Variants in P3H1 observed in about 807,000 individuals in gnomAD.
P3H1 encodes growth suppressor 1.
Under a neutral mutation model 84.0 loss-of-function variants are expected in P3H1, and 69 were observed. The observed-to-expected ratio is 0.82, with a 90% CI of 0.68 to 1.00. The LOEUF is 1.00. P3H1 is among the 50% of genes least tolerant of loss of function. The pLI is 0.00. For missense variants in P3H1, 878 were observed against 962.8 expected (o/e 0.91, Z 1.17); for synonymous variants, 366 against 388.8 (o/e 0.94, Z 0.69).
At chr1:42,758,451 T>A (rs2124138094) in intron 4 of P3H1, among the ~76,000 whole-genome samples, 1 of 152,344 alleles carries the variant, frequency 6.6e-6, no homozygotes, top group East Asian at 1.9e-4. Context: ...GTAGGGACTC[T>A]GCAAAGAGTT....
At chr1:42,766,370 C>T in intron 1 of P3H1, 137 bp downstream of exon 1, 1 of 777,314 alleles carries the variant, frequency 1.3e-6, no homozygotes, top group Non-Finnish European at 2.2e-6. Flanking sequence ...TCCCCGGCTC[C>T]GAGGAGAGCT....
rs3738499 is a variant in P3H1, at chr1:42,747,828, C to T, written c.1839-30G>A. 0.59 allele frequency: 943,027 copies of T among 1,603,846 alleles called. 280,391 individuals are homozygous for T. Among genetic ancestry groups the T allele is most frequent in the South Asian group, 0.69 (63,169 of 90,908 alleles). On this transcript the variant is annotated intron_variant, in intron 12 of 14. Transcript: ENST00000296388. ...GAAAGGCAGAGACATCTCATCATGG[C>T]CCTTCCCTGCCTCCCTTTCCCCTGA...
chr1:42,762,155 C>T (rs979523727), intron 2 of P3H1, 168 bp downstream of exon 2: 5 of 660,138 alleles, frequency 7.6e-6, no homozygotes, highest in Admixed American at 5.1e-5. Flanking sequence ...CCTGTAGTCC[C>T]AACTACTCAG....
chr1:42,759,278 G>A lies in P3H1; in HGVS notation c.731C>T (p.Ala244Val). ...GTAGTCATAGGGCCCTTCGCAGAGG[G>A]CACGGCACTCCTCATAGGCCACAAA... The part of the protein sequence containing the change: ...EYFVAYEECR[A>V]LCEGPYDYDG... Residue 244 changes from alanine (A) to valine (V), a missense_variant, in exon 3 of 15, where the codon GCC (alanine) becomes GTC (valine). Coordinates refer to ENST00000296388, the MANE Select transcript of P3H1 (RefSeq NM_022356.4). The A allele has an allele frequency of 6.2e-7, 1 of 1,614,166 alleles. No individual in the cohort carries two copies. Among genetic ancestry groups the A allele is most frequent in the Non-Finnish European group, 8.5e-7 (1 of 1,180,020 alleles).
At chr1:42,751,945 T>A in intron 10 of P3H1, 2 of 386,870 alleles carry the variant, frequency 5.2e-6, no homozygotes, top group Non-Finnish European at 9.9e-6. Context: ...TTCCTCTTCC[T>A]CCTGTCCTTC....
chr1:42,747,103 C>G, intron 14 of P3H1, 169 bp downstream of exon 14: 1 of 1,614,210 alleles, frequency 6.2e-7, no homozygotes. Flanking sequence ...CCAGGGAGGA[C>G]AAGGCAATGT....
chr1:42,746,748 A>G lies in P3H1; in HGVS notation c.2160T>C (p.Pro720=). 2 of 1,553,342 alleles carry G rather than the reference A, an allele frequency of 1.3e-6. No homozygotes were observed. The highest frequency in any genetic ancestry group is 1.2e-5 in the South Asian group (1 of 84,248). ...PLDAQQGPPE[P]AQESLSGSES... is the part of the protein sequence containing the mutation. Reference sequence around the variant, plus strand: ...CACTGCCTGAGAGAGACTCTTGTGCAGGTTCGGGGGGGCCCTGCTGGGCAT... The same window carrying G: ...CACTGCCTGAGAGAGACTCTTGTGCGGGTTCGGGGGGGCCCTGCTGGGCAT... The change falls in exon 15 of 15, where the codon CCT becomes CCC. Residue 720 remains proline (P), a synonymous_variant. Transcript: ENST00000296388.
Position 42,762,330 on chromosome 1 carries a change from G to A in P3H1, c.611C>T (p.Pro204Leu). The change falls in exon 2 of 15, where the codon CCC becomes CTC. Residue 204 changes from proline (P) to leucine (L), a missense_variant. Physicochemically the swap from Pro to Leu is moderately conservative, Grantham distance 98 (BLOSUM62 -3). Transcript: ENST00000296388. ...EADFKDLETQPHMQEFRLGVR... is the reference protein window; with the variant it reads ...EADFKDLETQLHMQEFRLGVR... ...GGATAAAGTTTTTTTCACCATATGG[G>A]GTTGAGTCTCAAGATCCTTGAAGTC... is the stretch of plus-strand genomic sequence containing the variant. The A allele has an allele frequency of 6.2e-7, 1 of 1,613,892 alleles. No homozygotes were observed. Among genetic ancestry groups the A allele is most frequent in the Middle Eastern group, 1.6e-4 (1 of 6,062 alleles).
intron 10 of P3H1, among the ~76,000 whole-genome samples, chr1:42,750,820 G>A (rs1652022019): frequency 1.3e-5 from 2 of 149,842 alleles, no homozygotes; most frequent in African/African-American, 4.9e-5. Flanking sequence ...AGGGAGGTGG[G>A]GGGGTCAGCC....
At chr1:42,759,702 T>C (rs1023551281) in intron 2 of P3H1, among the ~76,000 whole-genome samples, 2 of 152,066 alleles carry the variant, frequency 1.3e-5, no homozygotes, top group Non-Finnish European at 2.9e-5. Context: ...CAAGTGATTC[T>C]CTTGCCTCAG....
In P3H1 at chr1:42,754,408, G is replaced by A. The variant is rs1423358625; in HGVS notation, c.1345+461C>T. Among the ~76,000 whole-genome samples the A allele has an allele frequency of 2.6e-5, 4 of 152,198 alleles. No individual in the cohort carries two copies. The highest frequency in any genetic ancestry group is 6.5e-5 in the Admixed American group (1 of 15,288). The stretch of plus-strand genomic sequence containing the variant: ...AGGCGTTGAGTCTCAGTAAAGGGAC[G>A]AATGGTGAAAACCGGGAGAAAACAG... On this transcript the variant is annotated intron_variant, in intron 8 of 14. Transcript: ENST00000296388. The surrounding 1 kb of genome is among the most constrained non-coding windows in gnomAD (Gnocchi z 4.0).
intron 8 of P3H1, among the ~76,000 whole-genome samples, chr1:42,754,000 C>T (rs1307336428): frequency 2.6e-5 from 4 of 151,930 alleles, no homozygotes; most frequent in African/African-American, 9.7e-5. Context: ...GGGAAGCGTA[C>T]TAGGAGAGCC....
chr1:42,750,647 G>A (rs1467162176), intron 10 of P3H1, among the ~76,000 whole-genome samples: 1 of 119,082 alleles, frequency 8.4e-6, no homozygotes, highest in African/African-American at 4.6e-5. Flanking sequence ...CCGGGAGGGA[G>A]GCCGGGGGGG....
chr1:42,752,983 C>T lies in P3H1; in HGVS notation c.1346-319G>A, dbSNP rs1279599133. On this transcript the variant is annotated intron_variant, in intron 8 of 14. Coordinates refer to ENST00000296388, the MANE Select transcript of P3H1 (RefSeq NM_022356.4). ...GAAGAACTGACTTTGACTCCTAGATCCTCCATTGATTAGCTGTGTGACCTT... is the reference window on the plus strand; with the variant it reads ...GAAGAACTGACTTTGACTCCTAGATTCTCCATTGATTAGCTGTGTGACCTT... Among the ~76,000 whole-genome samples the T allele has an allele frequency of 3.9e-5, 6 of 152,300 alleles. No individual in the cohort carries two copies. The South Asian group carries it at 8.3e-4, about 21-fold the overall frequency.
intron 2 of P3H1, chr1:42,759,981 CTTTTTT>C (rs36110403): frequency 2.9e-5 from 3 of 102,984 alleles, no homozygotes; most frequent in Non-Finnish European, 5.5e-5. Flanking sequence ...GATTCTTGCA[CTTTTTT>C]TTTTTTTTTT....
chr1:42,752,652 A>G lies in P3H1; in HGVS notation c.1358T>C (p.Leu453Pro). Reference protein sequence around the residue: ...SRLTREGGPLLYEGISLTMNS... With the variant: ...SRLTREGGPLPYEGISLTMNS... ...CATGGTGAGACTGATGCCTTCATAC[A>G]GCAGGGGGCCACCTGCAAAGCAATG... The change falls in exon 9 of 15, where the codon CTG (leucine) becomes CCG (proline). Residue 453 changes from leucine to proline, a missense_variant. Transcript: ENST00000296388. The G allele has an allele frequency of 6.2e-7, 1 of 1,614,248 alleles. No individual in the cohort carries two copies. The highest frequency in any genetic ancestry group is 1.1e-5 in the South Asian group (1 of 91,090).
intron 12 of P3H1, 64 bp downstream of exon 12, chr1:42,748,136 A>G: frequency 2.5e-6 from 3 of 1,197,336 alleles, no homozygotes; most frequent in Admixed American, 1.7e-5. Context: ...AGTAGAGTGC[A>G]GGGCACTGTG....
In P3H1 at chr1:42,750,659, T is replaced by TGG. The variant is rs1232774164; in HGVS notation, c.1570-325_1570-324dup. On this transcript the variant is annotated intron_variant, in intron 10 of 14. Coordinates refer to ENST00000296388, the MANE Select transcript of P3H1 (RefSeq NM_022356.4). ...CGTCCGGGAGGGAGGCCGGGGGGGG[T>TGG]GGTCGGCCAGCCGCCCCGTCCGGGA... 1.4e-4 allele frequency among the ~76,000 whole-genome samples: 6 copies of TGG among 41,872 alleles called. 1 individual carries two copies. Among genetic ancestry groups the TGG allele is most frequent in the African/African-American group, 3.7e-4 (4 of 10,796 alleles). 27.5% of individuals were successfully genotyped at this position (41,872 alleles called of 152,430 possible).
intron 1 of P3H1, among the ~76,000 whole-genome samples, chr1:42,765,681 A>G (rs141253670): frequency 1.1e-4 from 17 of 152,312 alleles, no homozygotes; most frequent in African/African-American, 3.6e-4. Flanking sequence ...GTCTCTTTAG[A>G]TCGAATCGAA....
Sources: allele counts gnomAD v4.1 joint callset (sites outside exome capture counted in the v4.1 genomes callset), GRCh38; gene constraint gnomAD v4.1.1; non-coding constraint Gnocchi (gnomAD v3.1); transcripts MANE v1.5; gene names NCBI Gene and HGNC (gene_info 2026-07-23, HGNC 2026-07-21).